Variants in ZNF804B observed in about 807,000 individuals in gnomAD.
ZNF804B encodes the protein zinc finger 804B.
ZNF804B carries 80 observed loss-of-function variants against 101.4 expected under a neutral mutation model. The observed-to-expected ratio is 0.79, with a 90% CI of 0.66 to 0.95. The LOEUF (loss-of-function observed/expected upper bound fraction) is 0.95. Among genes scored for constraint, ZNF804B ranks in the 40% least tolerant of loss-of-function variants. The pLI is 0.00. For synonymous variants in ZNF804B, 622 were observed against 558.8 expected (o/e 1.11, Z -1.59); for missense variants, 1,673 against 1,561.9 (o/e 1.07, Z -1.20).
chr7:89,319,337 A>G (rs1368303575), intron 2 of ZNF804B, among the ~76,000 whole-genome samples: 1 of 152,182 alleles, frequency 6.6e-6, no homozygotes, highest in Non-Finnish European at 1.5e-5. Flanking sequence ...TACCATAAAT[A>G]CTGTTATATT....
intron 1 of ZNF804B, among the ~76,000 whole-genome samples, chr7:88,945,533 A>G (rs930526239): frequency 2.0e-5 from 3 of 152,018 alleles, no homozygotes; most frequent in Non-Finnish European, 4.4e-5. Flanking sequence ...TGATTCCTCC[A>G]GCTTTGTTCT....
At chr7:89,172,004 G>GTA (rs143798973) in intron 1 of ZNF804B, among the ~76,000 whole-genome samples, 20,889 of 151,920 alleles carry the variant, frequency 0.14, 2,493 homozygotes, top group East Asian at 0.63. Flanking sequence ...TTGACTTGTT[G>GTA]TATAATTGAC....
Position 89,335,597 on chromosome 7 carries a change from A to G in ZNF804B, c.2615A>G (p.Gln872Arg). The change falls in exon 4 of 4, where the codon CAA becomes CGA. Residue 872 changes from glutamine to arginine, a missense_variant. Gln to Arg is a conservative substitution (Grantham distance 43, BLOSUM62 1). Coordinates refer to ENST00000333190, the MANE Select transcript of ZNF804B (RefSeq NM_181646.5). ...TACTTGAATAAAAGCAAGAGAAATC[A>G]AGAGTCTTTGGGCAGCCCTCACATT... ...MYYLNKSKRN[Q>R]ESLGSPHICD... is the part of the protein sequence containing the mutation. 6.2e-7 allele frequency: 1 copy of G among 1,613,990 alleles called. No individual in the cohort carries two copies. Among genetic ancestry groups the G allele is most frequent in the South Asian group, 1.1e-5 (1 of 91,090 alleles).
intron 1 of ZNF804B, among the ~76,000 whole-genome samples, chr7:88,990,813 A>G (rs1457932713): frequency 6.6e-6 from 1 of 152,104 alleles, no homozygotes; most frequent in African/African-American, 2.4e-5. Context: ...CCATTTATCT[A>G]TATTATTTTT....
At chr7:89,228,996 C>T (rs1050860573) in intron 2 of ZNF804B, among the ~76,000 whole-genome samples, 28 of 152,294 alleles carry the variant, frequency 1.8e-4, no homozygotes, top group East Asian at 9.7e-4. Context: ...TGCCCAGTGC[C>T]GGCGGGGCCG....
At chr7:88,884,764 T>C (rs1792098821) in intron 1 of ZNF804B, among the ~76,000 whole-genome samples, 1 of 151,864 alleles carries the variant, frequency 6.6e-6, no homozygotes, top group Non-Finnish European at 1.5e-5. Flanking sequence ...CTTAAAAAAA[T>C]TAAAGCTTAT....
intron 1 of ZNF804B, among the ~76,000 whole-genome samples, chr7:88,983,643 T>C (rs1453784926): frequency 6.6e-6 from 1 of 152,122 alleles, no homozygotes; most frequent in Admixed American, 6.6e-5. Context: ...TTTATGATTT[T>C]TTATTGATTA....
chr7:89,075,577 G>T (rs1296402819), intron 1 of ZNF804B, among the ~76,000 whole-genome samples: 2 of 152,202 alleles, frequency 1.3e-5, no homozygotes, highest in African/African-American at 4.8e-5. Context: ...TTTGCTGCAG[G>T]GGTGGAGCTC....
At chr7:88,853,348 T>C (rs1440168435) in intron 1 of ZNF804B, among the ~76,000 whole-genome samples, 1 of 152,048 alleles carries the variant, frequency 6.6e-6, no homozygotes, top group Non-Finnish European at 1.5e-5. Flanking sequence ...AGAAGAAATA[T>C]GTAAAGGATT....
intron 2 of ZNF804B, among the ~76,000 whole-genome samples, chr7:89,246,647 C>A (rs978089515): frequency 1.3e-5 from 2 of 152,094 alleles, no homozygotes; most frequent in Non-Finnish European, 2.9e-5. Flanking sequence ...TTTCATTCTT[C>A]CTGGCAATAG....
intron 1 of ZNF804B, among the ~76,000 whole-genome samples, chr7:88,848,621 CTTTTTTT>C (rs35391874): frequency 9.0e-6 from 1 of 111,086 alleles, no homozygotes; most frequent in Non-Finnish European, 2.0e-5. Flanking sequence ...AATGCATTTT[CTTTTTTT>C]TTTTTTTTTT....
At chr7:89,037,176 C>T (rs2116241854) in intron 1 of ZNF804B, among the ~76,000 whole-genome samples, 1 of 152,222 alleles carries the variant, frequency 6.6e-6, no homozygotes, top group African/African-American at 2.4e-5. Flanking sequence ...GCTCACATTT[C>T]AGTAGAAATG....
chr7:88,816,109 C>G (rs756573391), intron 1 of ZNF804B, among the ~76,000 whole-genome samples: 7 of 151,960 alleles, frequency 4.6e-5, no homozygotes, highest in Non-Finnish European at 8.8e-5. Flanking sequence ...TTGAGCTTTC[C>G]TCTTGCATGA....
At chr7:88,809,060 T>TA (rs1037531064) in intron 1 of ZNF804B, among the ~76,000 whole-genome samples, 1 of 152,170 alleles carries the variant, frequency 6.6e-6, no homozygotes, top group Non-Finnish European at 1.5e-5. Context: ...TAGAAGTATC[T>TA]AAAATAACTA....
chr7:89,314,130 T>A (rs750785074), intron 2 of ZNF804B, among the ~76,000 whole-genome samples: 2 of 152,168 alleles, frequency 1.3e-5, no homozygotes, highest in African/African-American at 4.8e-5. Flanking sequence ...AAAACCCTGA[T>A]AACAAATCAC....
intron 1 of ZNF804B, among the ~76,000 whole-genome samples, chr7:88,800,656 G>A (rs1215814524): frequency 1.3e-5 from 2 of 151,692 alleles, no homozygotes; most frequent in African/African-American, 4.8e-5. Context: ...CTGGAAGAAT[G>A]AGCATTTAAG....
At chr7:88,843,538 C>T (rs1255262410) in intron 1 of ZNF804B, among the ~76,000 whole-genome samples, 3 of 152,084 alleles carry the variant, frequency 2.0e-5, no homozygotes, top group Admixed American at 1.3e-4. Context: ...GAGATCGAGC[C>T]CATCCTGGCT....
intron 1 of ZNF804B, among the ~76,000 whole-genome samples, chr7:89,141,520 A>G (rs1790715143): frequency 6.6e-6 from 1 of 152,086 alleles, no homozygotes; most frequent in Non-Finnish European, 1.5e-5. Context: ...TGTTATGAAC[A>G]TTAGTGCTCA....
intron 1 of ZNF804B, among the ~76,000 whole-genome samples, chr7:89,082,994 A>T (rs1429735075): frequency 6.7e-6 from 1 of 148,570 alleles, no homozygotes; most frequent in Non-Finnish European, 1.5e-5. Context: ...AATTATTTTA[A>T]TAATAATCTG....
Sources: gnomAD v4.1 joint callset for allele counts (sites outside exome capture counted in the v4.1 genomes callset) on GRCh38, gnomAD v4.1.1 for gene constraint, MANE v1.5 for transcripts, NCBI Gene and HGNC (gene_info 2026-07-23, HGNC 2026-07-21) for gene names.